PRSS33: variants seen among roughly 807,000 people sequenced by gnomAD.
PRSS33 encodes the protein protease, serine 33.
In PRSS33, 32 loss-of-function variants were observed where a neutral mutation model predicts 26.7. That is an observed-to-expected ratio of 1.20 (90% CI 0.90 to 1.61). PRSS33 has a LOEUF of 1.61. Among genes scored for constraint, PRSS33 ranks in the 40% most tolerant of loss-of-function variants. The pLI is 0.00. For missense variants in PRSS33, 450 were observed against 396.3 expected, an observed-to-expected ratio of 1.14 and a Z score of -1.15; for synonymous variants, 192 against 177.6, an observed-to-expected ratio of 1.08 and a Z score of -0.64.
At position 2,785,419 on chromosome 16, in the gene PRSS33, C is replaced by CCGGGCGGCGGG; in HGVS notation, c.459_469dup (p.Gly157AlafsTer31). Reference sequence around the variant, plus strand: ...CCAGCCGGTGACCCGGCATGGTGTGCCGGGCGGCGGGCGGGCGCCGGGCAC... The same window carrying CCGGGCGGCGGG: ...CCAGCCGGTGACCCGGCATGGTGTGCCGGGCGGCGGGCGGGCGGCGGGCGGGCGCCGGGCAC... On this transcript the variant is annotated frameshift_variant, in exon 5 of 7. Transcript: ENST00000682474. LOFTEE classifies it high-confidence loss of function. 6.9e-7 allele frequency: 1 copy of CCGGGCGGCGGG among 1,452,008 alleles called. No individual in the cohort carries two copies. Among genetic ancestry groups the CCGGGCGGCGGG allele is most frequent in the Non-Finnish European group, 9.0e-7 (1 of 1,113,980 alleles). The allele number at this position is 1,452,008 out of a possible 1,614,324, so 89.9% of individuals were successfully genotyped here. A position where few individuals can be genotyped will look rare whatever the true frequency, so the allele number is the denominator to read the frequency against.
Position 2,785,407 on chromosome 16 carries a change from C to T in PRSS33, c.482G>A (p.Arg161Gln). The T allele has an allele frequency of 1.4e-6, 2 of 1,438,814 alleles. No individual in the cohort carries two copies. Among genetic ancestry groups the T allele is most frequent in the Non-Finnish European group, 1.8e-6 (2 of 1,107,634 alleles). 89.1% of individuals were successfully genotyped at this position (1,438,814 alleles called of 1,614,324 possible). The change falls in exon 5 of 7, where the codon CGG (arginine) becomes CAG (glutamine). Residue 161 changes from arginine to glutamine, a missense_variant. By Grantham distance (43) the Arg-to-Gln change is conservative. Coordinates refer to ENST00000682474, the MANE Select transcript of PRSS33 (RefSeq NM_152891.3). The stretch of plus-strand genomic sequence containing the variant: ...GCGGAGGCTGCCCCAGCCGGTGACC[C>T]GGCATGGTGTGCCGGGCGGCGGGCG... Reference protein sequence around the residue: ...GARPPPGTPCRVTGWGSLRPG... With the variant: ...GARPPPGTPCQVTGWGSLRPG...
At position 2,785,140 on chromosome 16, in the gene PRSS33, T is replaced by C. The variant is rs745350400; in HGVS notation, c.546A>G (p.Gly182=). The part of the protein sequence containing the change: ...VPLPEWRPLQ[G]VRVPLLDSRT... ...GCGAGTCCAGCAGCGGCACCCTTAC[T>C]CCTTGTAGCGGTCGCCACTCTGGGA... The change falls in exon 6 of 7, where the codon GGA becomes GGG. Residue 182 remains glycine, a synonymous_variant. Transcript: ENST00000682474. 1 of 1,542,780 alleles carries C rather than the reference T, an allele frequency of 6.5e-7. No homozygotes were observed. The highest frequency in any genetic ancestry group is 1.4e-5 in the African/African-American group (1 of 73,108).
At position 2,786,766 on chromosome 16, in the gene PRSS33, G is replaced by T. The variant is rs1421786198; in HGVS notation, c.-57-162C>A. On this transcript the variant is annotated intron_variant, in intron 1 of 6. Transcript: ENST00000682474. ...CTGTATACCCTTCGTTCTGCCCAGG[G>T]CCCAGGTATGCAGCACCCACCACCC... 1.1e-5 allele frequency: 6 copies of T among 541,364 alleles called. 1 individual carries two copies. Among genetic ancestry groups the T allele is most frequent in the South Asian group, 4.6e-5 (2 of 43,454 alleles). The allele number at this position is 541,364 out of a possible 1,614,324, so 33.5% of individuals were successfully genotyped here.
In PRSS33 at chr16:2,785,430, G is replaced by T; in HGVS notation, c.459C>A (p.Arg153=). The change falls in exon 5 of 7, where the codon CGC becomes CGA. Residue 153 remains arginine (R), a synonymous_variant. Coordinates refer to ENST00000682474, the MANE Select transcript of PRSS33 (RefSeq NM_152891.3). ...CCCGGCATGGTGTGCCGGGCGGCGG[G>T]CGGGCGCCGGGCACGGGCAGGCAGA... The part of the protein sequence containing the change: ...QPVCLPVPGA[R]PPPGTPCRVT... 3 of 1,465,752 alleles carry T rather than the reference G, an allele frequency of 2.0e-6. No homozygotes were observed. The highest frequency in any genetic ancestry group is 2.7e-6 in the Non-Finnish European group (3 of 1,119,940). 90.8% of individuals were successfully genotyped at this position (1,465,752 alleles called of 1,614,324 possible).
At position 2,786,397 on chromosome 16, in the gene PRSS33, A is replaced by G. The variant is rs79879395; in HGVS notation, c.46+105T>C. The G allele has an allele frequency of 7.6e-3, 10,300 of 1,357,862 alleles. 49 individuals carry two copies. Among genetic ancestry groups the G allele is most frequent in the Non-Finnish European group, 9.1e-3 (8,915 of 976,398 alleles). 84.1% of individuals were successfully genotyped at this position (1,357,862 alleles called of 1,614,324 possible). On this transcript the variant is annotated intron_variant, in intron 2 of 6. Transcript: ENST00000682474. Reference sequence around the variant, plus strand: ...TTGAGCCCTTGGAATCAAGATTAGAAAGCCCAAGAGTGCTCCAGGGAGCCC... The same window carrying G: ...TTGAGCCCTTGGAATCAAGATTAGAGAGCCCAAGAGTGCTCCAGGGAGCCC...
In PRSS33 at chr16:2,784,714, G is replaced by A; in HGVS notation, c.773C>T (p.Pro258Leu). The A allele has an allele frequency of 6.2e-7, 1 of 1,607,094 alleles. No homozygotes were observed. The highest frequency in any genetic ancestry group is 1.3e-5 in the African/African-American group (1 of 74,846). The change falls in exon 7 of 7, where the codon CCC becomes CTC. Residue 258 changes from proline to leucine, a missense_variant. By Grantham distance (98) the Pro-to-Leu change is moderately conservative. Transcript: ENST00000682474. ...VVSWGKGCAL[P>L]NRPGVYTSVA... is the part of the protein sequence containing the mutation. Reference sequence around the variant, plus strand: ...ACTGGTGTAGACCCCTGGACGGTTGGGCAGGGCACAACCCTTGCCCCAGCT... The same window carrying A: ...ACTGGTGTAGACCCCTGGACGGTTGAGCAGGGCACAACCCTTGCCCCAGCT...
chr16:2,785,236 C>T (rs2068859337), intron 5 of PRSS33, 65 bp from the exon 6 acceptor site: 2 of 1,469,140 alleles, frequency 1.4e-6, no homozygotes, highest in South Asian at 2.6e-5. Flanking sequence ...AGAAGCTGAG[C>T]TCTGAGTGAG....
At chr16:2,786,020 T>C in intron 3 of PRSS33, 59 bp from the exon 4 acceptor site, 1 of 1,611,436 alleles carries the variant, frequency 6.2e-7, no homozygotes, top group Admixed American at 1.7e-5. Flanking sequence ...GGGAGGCAGG[T>C]GTTGGTGGGG....
At chr16:2,786,048 C>A (rs1043868079) in intron 3 of PRSS33, 41 bp downstream of exon 3, 8 of 1,612,490 alleles carry the variant, frequency 5.0e-6, no homozygotes, top group Non-Finnish European at 6.8e-6. Flanking sequence ...GGGCCGAGGT[C>A]CAGGAGGGGC....
Position 2,784,591 on chromosome 16 carries a change from A to G in PRSS33, c.*53T>C. ...GTATAGGCAGGTGCCTGGATGAACC[A>G]GGAGGCTGAGGGACCCCAGCAGCTG... On this transcript the variant is annotated 3_prime_UTR_variant, in exon 7 of 7. Coordinates refer to ENST00000682474, the MANE Select transcript of PRSS33 (RefSeq NM_152891.3). The G allele has an allele frequency of 2.0e-6, 3 of 1,506,358 alleles. No homozygotes were observed. The highest frequency in any genetic ancestry group is 2.7e-6 in the Non-Finnish European group (3 of 1,119,114). The allele number at this position is 1,506,358 out of a possible 1,614,324, so 93.3% of individuals were successfully genotyped here.
chr16:2,785,521 GC>G lies in PRSS33; in HGVS notation c.367del (p.Ala123ProfsTer16). 6.6e-7 allele frequency: 1 copy of G among 1,523,964 alleles called. No homozygotes were observed. Among genetic ancestry groups the G allele is most frequent in the Non-Finnish European group, 8.7e-7 (1 of 1,142,956 alleles). The allele number at this position is 1,523,964 out of a possible 1,614,324, so 94.4% of individuals were successfully genotyped here. A position where few individuals can be genotyped will look rare whatever the true frequency, so the allele number is the denominator to read the frequency against. On this transcript the variant is annotated frameshift_variant, in exon 5 of 7. Coordinates refer to ENST00000682474, the MANE Select transcript of PRSS33 (RefSeq NM_152891.3). LOFTEE classifies it high-confidence loss of function. ...LLPPDYSEDG[A>X]RGDLALLQLR... ...CTGCAGCAGTGCCAGGTCGCCGCGG[GC>G]CCCGTCCTCGGAGTAGTCCGGGGGC...
intron 3 of PRSS33, 63 bp downstream of exon 3, chr16:2,786,026 T>G (rs7195287): frequency 0.72 from 1,163,415 of 1,611,770 alleles, 425,633 homozygotes; most frequent in Non-Finnish European, 0.75. Context: ...CAGGTGTTGG[T>G]GGGGAGACAC....
rs2068853412 is a variant in PRSS33 at position 2,784,795 on chromosome 16, G to C, written c.692C>G (p.Ser231Cys). The C allele has an allele frequency of 6.2e-6, 10 of 1,606,334 alleles. No homozygotes were observed. Among genetic ancestry groups the C allele is most frequent in the East Asian group, 2.2e-5 (1 of 44,670 alleles). ...CTGCAGGCAGGTCAGAGGTCCCCCA[G>C]AATCACCCTGCAGGAGAAAGAGGAG... The part of the protein sequence containing the change: ...QGHKDACQGD[S>C]GGPLTCLQSG... The change falls in exon 7 of 7, where the codon TCT becomes TGT. Residue 231 changes from serine (S) to cysteine (C), a missense_variant. Transcript: ENST00000682474.
At position 2,784,676 on chromosome 16, in the gene PRSS33, T is replaced by C; in HGVS notation, c.811A>G (p.Ser271Gly). Residue 271 changes from serine to glycine, a missense_variant, in exon 7 of 7, where the codon AGC becomes GGC. Coordinates refer to ENST00000682474, the MANE Select transcript of PRSS33 (RefSeq NM_152891.3). ...PGVYTSVATY[S>G]PWIQARVSF Reference sequence around the variant, plus strand: ...CTGACGCGAGCCTGAATCCAGGGGCTATATGTGGCCACACTGGTGTAGACC... The same window carrying C: ...CTGACGCGAGCCTGAATCCAGGGGCCATATGTGGCCACACTGGTGTAGACC... The C allele has an allele frequency of 1.2e-6, 2 of 1,604,630 alleles. No homozygotes were observed. The highest frequency in any genetic ancestry group is 1.7e-6 in the Non-Finnish European group (2 of 1,175,654).
Position 2,785,069 on chromosome 16 carries a change from G to A in PRSS33, c.617C>T (p.Ala206Val). Residue 206 changes from alanine to valine, a missense_variant, in exon 6 of 7, where the codon GCT becomes GTT. Ala to Val is a moderately conservative substitution (Grantham distance 64). Transcript: ENST00000682474. ...ACTCCCAGGCAGCACAATGCGCTCA[G>A]CCTGGGGCACGTCCGCGCCCACGTG... ...LYHVGADVPQ[A>V]ERIVLPGSLC... The A allele has an allele frequency of 6.3e-7, 1 of 1,575,536 alleles. No individual in the cohort carries two copies. The highest frequency in any genetic ancestry group is 8.6e-7 in the Non-Finnish European group (1 of 1,163,436).
chr16:2,785,124 G>A lies in PRSS33; in HGVS notation c.562C>T (p.Leu188=), dbSNP rs1396707021. Residue 188 remains leucine, a synonymous_variant, in exon 6 of 7, where the codon CTG becomes TTG. Coordinates refer to ENST00000682474, the MANE Select transcript of PRSS33 (RefSeq NM_152891.3). ...AGGCCGTCGCAGGTGCGCGAGTCCA[G>A]CAGCGGCACCCTTACTCCTTGTAGC... ...RPLQGVRVPL[L]DSRTCDGLYH... is the part of the protein sequence containing the mutation. 1.3e-6 allele frequency: 2 copies of A among 1,545,950 alleles called. No individual in the cohort carries two copies.
At chr16:2,786,204 G>A (rs2068872780) in intron 2 of PRSS33, 83 bp from the exon 3 acceptor site, 2 of 1,255,362 alleles carry the variant, frequency 1.6e-6, no homozygotes, top group Admixed American at 1.7e-5. Context: ...AGATGAGGAA[G>A]GAGGGTGAAA....
chr16:2,784,527 T>C lies in PRSS33; in HGVS notation c.*117A>G, dbSNP rs1435720535. 9 of 1,010,542 alleles carry C rather than the reference T, an allele frequency of 8.9e-6. No individual in the cohort carries two copies. The highest frequency in any genetic ancestry group is 1.7e-5 in the African/African-American group (1 of 60,286). The allele number at this position is 1,010,542 out of a possible 1,614,324, so 62.6% of individuals were successfully genotyped here. A position where few individuals can be genotyped will look rare whatever the true frequency, so the allele number is the denominator to read the frequency against. ...GTGGGGGGTGGGGTGGCCTTTAGCT[T>C]TTTTAGGCATCTTGGCCTCGAGGCA... is the stretch of plus-strand genomic sequence containing the variant. On this transcript the variant is annotated 3_prime_UTR_variant, in exon 7 of 7. Coordinates refer to ENST00000682474, the MANE Select transcript of PRSS33 (RefSeq NM_152891.3).
chr16:2,784,681 G>A lies in PRSS33; in HGVS notation c.806C>T (p.Thr269Ile), dbSNP rs748271891. The change falls in exon 7 of 7, where the codon ACA becomes ATA. Residue 269 changes from threonine (T) to isoleucine (I), a missense_variant. Transcript: ENST00000682474. Reference protein sequence around the residue: ...NRPGVYTSVATYSPWIQARVS... With the variant: ...NRPGVYTSVAIYSPWIQARVS... The stretch of plus-strand genomic sequence containing the variant: ...GCGAGCCTGAATCCAGGGGCTATAT[G>A]TGGCCACACTGGTGTAGACCCCTGG... 57 of 1,605,302 alleles carry A rather than the reference G, an allele frequency of 3.6e-5. No individual in the cohort carries two copies. The highest frequency in any genetic ancestry group is 4.7e-5 in the Non-Finnish European group (55 of 1,176,062).
Sources: gnomAD v4.1 joint callset for allele counts on GRCh38, gnomAD v4.1.1 for gene constraint, MANE v1.5 for transcripts, NCBI Gene and HGNC (gene_info 2026-07-23, HGNC 2026-07-21) for gene names.